The following SAXO1 variants were observed in gnomAD, a reference collection of about 807,000 sequenced individuals.
SAXO1 encodes the protein 4930500O09Rik.
A neutral mutation model predicts 17.5 loss-of-function variants in SAXO1; 21 were observed. The observed-to-expected ratio is 1.20, with a 90% CI of 0.85 to 1.72. The LOEUF (loss-of-function observed/expected upper bound fraction) is 1.72. Among genes scored for constraint, SAXO1 ranks in the 40% most tolerant of loss-of-function variants. The pLI is 0.00. For missense variants in SAXO1, 843 were observed against 596.0 expected, an observed-to-expected ratio of 1.41 and a Z score of -4.32; for synonymous variants, 274 against 216.5, an observed-to-expected ratio of 1.27 and a Z score of -2.33.
intron 1 of SAXO1, among the ~76,000 whole-genome samples, chr9:19,019,023 C>A (rs142472137): frequency 6.6e-6 from 1 of 151,858 alleles, no homozygotes; most frequent in African/African-American, 2.4e-5. Context: ...GCAGGATAAT[C>A]ACTTGAATTT....
intron 1 of SAXO1, among the ~76,000 whole-genome samples, chr9:18,964,394 C>T (rs547463971): frequency 1.3e-5 from 2 of 152,288 alleles, no homozygotes; most frequent in South Asian, 4.2e-4. Context: ...GTGAATCTAT[C>T]TTGACCTGGG....
In SAXO1 at chr9:18,928,294, C is replaced by A. The variant is rs1830858738; in HGVS notation, c.1183G>T (p.Gly395Cys). The A allele has an allele frequency of 6.2e-7, 1 of 1,612,858 alleles. No individual in the cohort carries two copies. Among genetic ancestry groups the A allele is most frequent in the Non-Finnish European group, 8.5e-7 (1 of 1,179,186 alleles). Residue 395 changes from glycine (G) to cysteine (C), a missense_variant, in exon 4 of 4, where the codon GGC becomes TGC. By Grantham distance (159) the Gly-to-Cys change is radical. Transcript: ENST00000380534. The stretch of plus-strand genomic sequence containing the variant: ...TCCACAGGGACATTTCCTCGAGGGC[C>A]AGACCAATGAGGCTTACAGCTTTTG... ...NTKSCKPHWS[G>C]PRGNVPVESQ...
intron 1 of SAXO1, among the ~76,000 whole-genome samples, chr9:19,013,775 G>A (rs565799962): frequency 1.3e-5 from 2 of 152,130 alleles, no homozygotes; most frequent in Middle Eastern, 3.4e-3. Context: ...TTGAACTCCT[G>A]ACCTCAGGTG....
intron 1 of SAXO1, among the ~76,000 whole-genome samples, chr9:18,966,047 T>C (rs1832702624): frequency 6.6e-6 from 1 of 152,228 alleles, no homozygotes; most frequent in South Asian, 2.1e-4. Context: ...AAAATTCTTT[T>C]CTTTAAGAAT....
chr9:18,970,987 C>T (rs973472393), intron 1 of SAXO1, among the ~76,000 whole-genome samples: 12 of 152,080 alleles, frequency 7.9e-5, no homozygotes, highest in Non-Finnish European at 1.8e-4. Context: ...TAAACGTGGC[C>T]CTGTCTCATG....
intron 1 of SAXO1, among the ~76,000 whole-genome samples, chr9:19,038,751 T>C (rs971074978): frequency 6.6e-6 from 1 of 150,654 alleles, no homozygotes; most frequent in Non-Finnish European, 1.5e-5. Flanking sequence ...AAACTTAAAG[T>C]ATAATAATAA....
intron 1 of SAXO1, among the ~76,000 whole-genome samples, chr9:18,999,490 C>A (rs908904473): frequency 7.0e-6 from 1 of 143,098 alleles, no homozygotes; most frequent in Non-Finnish European, 1.5e-5. Flanking sequence ...TCTGCCCGGC[C>A]GCCCCACCAT....
chr9:18,966,737 C>A (rs752095995), intron 1 of SAXO1, among the ~76,000 whole-genome samples: 2 of 152,184 alleles, frequency 1.3e-5, no homozygotes, highest in Non-Finnish European at 2.9e-5. Flanking sequence ...CTGAAGCCTA[C>A]TTCTGTCAAT....
At chr9:19,044,724 G>T (rs1189709918) in intron 1 of SAXO1, among the ~76,000 whole-genome samples, 1 of 151,902 alleles carries the variant, frequency 6.6e-6, no homozygotes, top group East Asian at 2.0e-4. Flanking sequence ...TTAGCTGGGT[G>T]TGGTGGCGGG....
intron 1 of SAXO1, among the ~76,000 whole-genome samples, chr9:18,984,045 T>C (rs984232926): frequency 6.6e-6 from 1 of 151,950 alleles, no homozygotes; most frequent in African/African-American, 2.4e-5. Context: ...CATCTCCTTA[T>C]ACATCTCCAT....
chr9:19,029,522 AC>A (rs1806862100), intron 1 of SAXO1, among the ~76,000 whole-genome samples: 1 of 152,132 alleles, frequency 6.6e-6, no homozygotes, highest in African/African-American at 2.4e-5. Context: ...CTTAGAAAAC[AC>A]CTATAAAATT....
chr9:18,972,441 C>G (rs1401124928), intron 1 of SAXO1, among the ~76,000 whole-genome samples: 5 of 152,152 alleles, frequency 3.3e-5, no homozygotes, highest in African/African-American at 1.2e-4. Flanking sequence ...ATTTGTACAC[C>G]TTCAATGATG....
intron 1 of SAXO1, among the ~76,000 whole-genome samples, chr9:18,987,148 GATTA>G (rs1833625374): frequency 6.6e-6 from 1 of 152,166 alleles, no homozygotes; most frequent in Non-Finnish European, 1.5e-5. Flanking sequence ...CCTCTCAGGT[GATTA>G]ACAAGGATGT....
chr9:18,981,385 T>C (rs890414797), intron 1 of SAXO1, among the ~76,000 whole-genome samples: 6 of 152,198 alleles, frequency 3.9e-5, no homozygotes, highest in African/African-American at 7.2e-5. Flanking sequence ...TCTAAGGTCA[T>C]ACGTGTGGTT....
chr9:18,937,392 T>C (rs1831346157), intron 3 of SAXO1, among the ~76,000 whole-genome samples: 1 of 152,176 alleles, frequency 6.6e-6, no homozygotes, highest in South Asian at 2.1e-4. Flanking sequence ...TTGACACACT[T>C]TGTTGTGTCA....
intron 1 of SAXO1, among the ~76,000 whole-genome samples, chr9:19,012,412 T>C (rs1480924994): frequency 6.6e-6 from 1 of 152,250 alleles, no homozygotes; most frequent in Non-Finnish European, 1.5e-5. Context: ...TAAAATAATC[T>C]GTAATAGACA....
At chr9:19,002,311 A>T (rs1404533840) in intron 1 of SAXO1, among the ~76,000 whole-genome samples, 3 of 152,232 alleles carry the variant, frequency 2.0e-5, no homozygotes, top group African/African-American at 7.2e-5. Flanking sequence ...ATTCTACCAG[A>T]GGTACAAAGA....
Position 18,978,596 on chromosome 9 carries a change from C to T in SAXO1, c.39-27659G>A, listed in dbSNP as rs539992471. Among the ~76,000 whole-genome samples the T allele has an allele frequency of 7.2e-5, 11 of 152,344 alleles. No homozygotes were observed. The South Asian group carries it at 1.2e-3, about 17-fold the overall frequency. ...TTGGTTTTCAGTCTGCAGCTGCACT[C>T]GCAGATGCCCCACTTTCTAACTGAA... On this transcript the variant is annotated intron_variant, in intron 1 of 3. Coordinates refer to ENST00000380534, the MANE Select transcript of SAXO1 (RefSeq NM_153707.4).
At chr9:19,002,575 A>T (rs1482732437) in intron 1 of SAXO1, among the ~76,000 whole-genome samples, 1 of 152,248 alleles carries the variant, frequency 6.6e-6, no homozygotes, top group Non-Finnish European at 1.5e-5. Context: ...CCTGGGATAC[A>T]AGGCTGGTTC....
Sources: gnomAD v4.1 joint callset for allele counts (sites outside exome capture counted in the v4.1 genomes callset) on GRCh38, gnomAD v4.1.1 for gene constraint, MANE v1.5 for transcripts, NCBI Gene and HGNC (gene_info 2026-07-23, HGNC 2026-07-21) for gene names.